Variants in DAB1 observed in about 807,000 individuals in gnomAD.
DAB1 encodes disabled homolog 1.
DAB1 carries 15 observed loss-of-function variants against 64.6 expected under a neutral mutation model. That is an observed-to-expected ratio of 0.23 (90% CI 0.16 to 0.36). The LOEUF (loss-of-function observed/expected upper bound fraction) is 0.36, where lower values mean the gene tolerates loss of function less well. Ranked by LOEUF, DAB1 falls within the 10% of genes least tolerant of loss-of-function variation. DAB1 has a pLI of 1.00. For synonymous variants in DAB1, 235 were observed against 251.9 expected (o/e 0.93, Z 0.64); for missense variants, 596 against 706.7 (o/e 0.84, Z 1.78).
At chr1:57,564,714 G>C (rs146613414) in intron 7 of DAB1, among the ~76,000 whole-genome samples, 1 of 152,132 alleles carries the variant, frequency 6.6e-6, no homozygotes, top group Non-Finnish European at 1.5e-5. Flanking sequence ...GAAATGAAGC[G>C]AGAAGAGAAG....
chr1:57,412,370 A>T (rs1456654919), intron 1 of DAB1, among the ~76,000 whole-genome samples: 2 of 152,228 alleles, frequency 1.3e-5, no homozygotes, highest in African/African-American at 4.8e-5. Context: ...GATTAAGCTT[A>T]GTGGGGAAGG....
At chr1:58,300,646 G>GAGAA (rs1662140791) in intron 4 of DAB1, among the ~76,000 whole-genome samples, 7 of 57,342 alleles carry the variant, frequency 1.2e-4, no homozygotes, top group Admixed American at 7.0e-4. Context: ...GAGAGAGAGA[G>GAGAA]AGGAAGGAAG....
chr1:57,976,784 T>TA (rs1221372090), intron 5 of DAB1, among the ~76,000 whole-genome samples: 5 of 152,206 alleles, frequency 3.3e-5, no homozygotes, highest in African/African-American at 1.2e-4. Context: ...TGTGAAGATG[T>TA]AAAATGGGTG....
chr1:57,226,482 A>G (rs1438571142), intron 2 of DAB1, among the ~76,000 whole-genome samples: 1 of 151,916 alleles, frequency 6.6e-6, no homozygotes, highest in East Asian at 1.9e-4. Context: ...CATAGGCTCT[A>G]TCTTTAAAAT....
chr1:57,964,042 G>A (rs1342416815), intron 5 of DAB1, among the ~76,000 whole-genome samples: 1 of 152,154 alleles, frequency 6.6e-6, no homozygotes, highest in Non-Finnish European at 1.5e-5. Flanking sequence ...ACAAAGAGGA[G>A]AAAAACAAGC....
At position 58,315,347 on chromosome 1, in the gene DAB1, A is replaced by G. The variant is rs541399530; in HGVS notation, n.309+28005T>C. ...AGAAAATTTGAGAAGCATTGCTCCA[A>G]CTTACTCCATTTGTGCCAAATTCCA... On this transcript the variant is annotated intron_variant and non_coding_transcript_variant, in intron 4 of 20. Transcript: ENST00000485760. Among the ~76,000 whole-genome samples, 108 of 152,252 alleles carry G rather than the reference A, an allele frequency of 7.1e-4. 1 individual carries two copies. Among genetic ancestry groups the G allele is most frequent in the African/African-American group, 2.6e-3 (106 of 41,548 alleles).
At chr1:57,305,898 G>A (rs1674101414) in intron 1 of DAB1, among the ~76,000 whole-genome samples, 1 of 150,798 alleles carries the variant, frequency 6.6e-6, no homozygotes, top group Admixed American at 6.6e-5. Context: ...GAACCTGGGA[G>A]GCAGAGCTTG....
intron 7 of DAB1, among the ~76,000 whole-genome samples, chr1:57,461,901 G>A (rs895123338): frequency 6.6e-6 from 1 of 151,230 alleles, no homozygotes; most frequent in African/African-American, 2.4e-5. Flanking sequence ...AAGGGGAGGT[G>A]GGAGTGGAGG....
intron 2 of DAB1, among the ~76,000 whole-genome samples, chr1:57,219,662 G>A (rs1666706692): frequency 6.6e-6 from 1 of 152,190 alleles, no homozygotes; most frequent in Non-Finnish European, 1.5e-5. Context: ...CTTGTGAGAA[G>A]GTGTGTGAGG....
At chr1:58,065,482 A>G (rs899340507) in intron 5 of DAB1, among the ~76,000 whole-genome samples, 3 of 152,204 alleles carry the variant, frequency 2.0e-5, no homozygotes, top group East Asian at 1.9e-4. Flanking sequence ...ATATTTTAGT[A>G]AAGGGAACTG....
At chr1:57,764,793 A>G (rs1430486814) in intron 6 of DAB1, among the ~76,000 whole-genome samples, 3 of 152,246 alleles carry the variant, frequency 2.0e-5, no homozygotes, top group African/African-American at 4.8e-5. Context: ...ATTTACAAAG[A>G]TGATCAAATG....
At chr1:57,398,149 A>G (rs1682958606) in intron 1 of DAB1, among the ~76,000 whole-genome samples, 2 of 152,236 alleles carry the variant, frequency 1.3e-5, no homozygotes, top group African/African-American at 4.8e-5. Context: ...AGTCAACACT[A>G]TCGAGTGCAC....
chr1:57,305,740 C>T (rs562309069), intron 1 of DAB1, among the ~76,000 whole-genome samples: 2 of 152,082 alleles, frequency 1.3e-5, no homozygotes, highest in African/African-American at 4.8e-5. Context: ...GAGGCGGAGG[C>T]GGGCAGATCA....
chr1:57,842,727 A>G (rs984018866), intron 1 of DAB1, among the ~76,000 whole-genome samples: 1 of 152,216 alleles, frequency 6.6e-6, no homozygotes, highest in Non-Finnish European at 1.5e-5. Context: ...TAAGAACAGC[A>G]TGGGAGAAAT....
At position 57,984,177 on chromosome 1, in the gene DAB1, CTT is replaced by C. The variant is rs535392951; in HGVS notation, n.388-100017_388-100016del. ...GCAGGATTTCAGGGCCCAGGACTAG[CTT>C]AAAAAAAAGAAAGAAAGAAAGAAAG... On this transcript the variant is annotated intron_variant and non_coding_transcript_variant, in intron 5 of 20. Transcript: ENST00000485760. Among the ~76,000 whole-genome samples the C allele has an allele frequency of 2.6e-4, 18 of 70,144 alleles. No individual in the cohort carries two copies. In the East Asian group the frequency reaches 2.6e-3, roughly 10 times the overall value. 46.0% of individuals were successfully genotyped at this position (70,144 alleles called of 152,430 possible).
rs567008010 is a variant in DAB1, at chr1:58,286,036, G to A, written n.309+57316C>T. On this transcript the variant is annotated intron_variant and non_coding_transcript_variant, in intron 4 of 20. Coordinates refer to the DAB1 transcript ENST00000485760. ...AAACATCTACAACCATATGATCTTCGACAAACCTGACAAAAACAAGCATTG... is the reference window on the plus strand; with the variant it reads ...AAACATCTACAACCATATGATCTTCAACAAACCTGACAAAAACAAGCATTG... Among the ~76,000 whole-genome samples, 20 of 152,186 alleles carry A rather than the reference G, an allele frequency of 1.3e-4. No homozygotes were observed. The East Asian group carries it at 2.1e-3, about 16-fold the overall frequency.
At chr1:57,237,846 G>A (rs1413301257) in intron 2 of DAB1, among the ~76,000 whole-genome samples, 1 of 152,182 alleles carries the variant, frequency 6.6e-6, no homozygotes, top group African/African-American at 2.4e-5. Context: ...TTGGGGCAAA[G>A]GGATGATGAA....
At chr1:57,018,107 A>T (rs150372138) in intron 11 of DAB1, among the ~76,000 whole-genome samples, 11 of 152,348 alleles carry the variant, frequency 7.2e-5, no homozygotes, top group African/African-American at 2.6e-4. Context: ...TTTGAATTAC[A>T]TGGAAATTCA....
chr1:57,191,995 GGT>G (rs1664172959), intron 2 of DAB1, among the ~76,000 whole-genome samples: 1 of 152,076 alleles, frequency 6.6e-6, no homozygotes, highest in Non-Finnish European at 1.5e-5. Flanking sequence ...CTGCTCTTAG[GGT>G]CACACAAGCA....
Sources: gnomAD v4.1 joint callset for allele counts (sites outside exome capture counted in the v4.1 genomes callset) on GRCh38, gnomAD v4.1.1 for gene constraint, MANE v1.5 for transcripts, NCBI Gene and HGNC (gene_info 2026-07-23, HGNC 2026-07-21) for gene names.